The following RASL12 variants were observed in gnomAD, a reference collection of about 807,000 sequenced individuals.
RASL12 encodes ras-like protein family member 12.
A neutral mutation model predicts 22.9 loss-of-function variants in RASL12; 16 were observed. The ratio of observed to expected loss-of-function variants is 0.70; its 90% CI spans 0.47 to 1.06. The LOEUF (loss-of-function observed/expected upper bound fraction) is 1.06, where lower values mean the gene tolerates loss of function less well. RASL12 is among the 50% of genes least tolerant of loss of function. RASL12 has a pLI of 0.00. For synonymous variants in RASL12, 159 were observed against 152.2 expected (o/e 1.04, Z -0.33); for missense variants, 306 against 353.1 (o/e 0.87, Z 1.07).
In RASL12 at chr15:65,061,809, G is replaced by A. The variant is rs183364940; in HGVS notation, c.161-2391C>T. On this transcript the variant is annotated intron_variant, in intron 2 of 4. Transcript: ENST00000220062. Reference sequence around the variant, plus strand: ...TCACACCTGTAATCCCAGCACTTTGGGAGGCCAAGGTGGGCGGATCACAAG... The same window carrying A: ...TCACACCTGTAATCCCAGCACTTTGAGAGGCCAAGGTGGGCGGATCACAAG... Among the ~76,000 whole-genome samples the A allele has an allele frequency of 6.7e-3, 1,022 of 152,180 alleles. 7 individuals are homozygous for A. The highest frequency in any genetic ancestry group is 8.3e-3 in the Non-Finnish European group (566 of 68,020).
Position 65,054,546 on chromosome 15 carries a change from G to C in RASL12, c.*353C>G. On this transcript the variant is annotated 3_prime_UTR_variant, in exon 5 of 5. Transcript: ENST00000220062. ...CCATCCACCCAGACCATCCACTAAGGCCACAGCTGGCCCAACTGTAGCTGG... is the reference window on the plus strand; with the variant it reads ...CCATCCACCCAGACCATCCACTAAGCCCACAGCTGGCCCAACTGTAGCTGG... The C allele has an allele frequency of 9.3e-7, 1 of 1,072,470 alleles. No individual in the cohort carries two copies. Among genetic ancestry groups the C allele is most frequent in the Non-Finnish European group, 1.1e-6 (1 of 883,862 alleles). 66.4% of individuals were successfully genotyped at this position (1,072,470 alleles called of 1,614,324 possible).
In RASL12 at chr15:65,058,526, C is replaced by T; in HGVS notation, c.326G>A (p.Ser109Asn). The change falls in exon 4 of 5, where the codon AGC becomes AAC. Residue 109 changes from serine to asparagine, a missense_variant. Ser to Asn is a conservative substitution (Grantham distance 46). Transcript: ENST00000220062. ...GGCAAGCAGCTCCAGGTAGCTGCTG[C>T]TGCTATCAAAGCTCTGGCGGCTGTC... ...SVDSRQSFDS[S>N]SSYLELLALH... 1 of 1,611,858 alleles carries T rather than the reference C, an allele frequency of 6.2e-7. No homozygotes were observed.
intron 1 of RASL12, among the ~76,000 whole-genome samples, chr15:65,066,009 GAAAGA>G (rs56760120): frequency 0.36 from 54,044 of 149,258 alleles, 10,668 homozygotes; most frequent in South Asian, 0.55. Flanking sequence ...TGTTTGGAAA[GAAAGA>G]AAAGAAAAGA....
chr15:65,062,078 A>G (rs964939712), intron 2 of RASL12, among the ~76,000 whole-genome samples: 1 of 151,826 alleles, frequency 6.6e-6, no homozygotes, highest in Non-Finnish European at 1.5e-5. Flanking sequence ...AAAAAAAAAA[A>G]AAGAAATGGT....
chr15:65,050,873 G>T (rs1209200805), downstream of RASL12, among the ~76,000 whole-genome samples: 1 of 138,876 alleles, frequency 7.2e-6, no homozygotes, highest in Admixed American at 7.6e-5. Context: ...TTGAGGCAGG[G>T]TCACTCTGTT....
At chr15:65,065,070 T>C (rs1003481028) in intron 2 of RASL12, 147 bp downstream of exon 2, 19 of 681,996 alleles carry the variant, frequency 2.8e-5, no homozygotes, top group Non-Finnish European at 3.6e-5. Flanking sequence ...TTAAAACATT[T>C]TCCCCCATGG....
In RASL12 at chr15:65,058,617, C is replaced by G; in HGVS notation, c.235G>C (p.Asp79His). The G allele has an allele frequency of 6.5e-7, 1 of 1,533,840 alleles. No individual in the cohort carries two copies. Among genetic ancestry groups the G allele is most frequent in the Non-Finnish European group, 8.9e-7 (1 of 1,129,748 alleles). The change falls in exon 4 of 5, where the codon GAC (aspartate) becomes CAC (histidine). Residue 79 changes from aspartate to histidine, a missense_variant and splice_region_variant. Coordinates refer to ENST00000220062, the MANE Select transcript of RASL12 (RefSeq NM_016563.4). The stretch of plus-strand genomic sequence containing the variant: ...TAGCGCTCGCAGTTCCTGGGGGTGT[C>G]CTGGGGTGAAGGTGAGAAGCCCCGC... ...HLRVMDTADL[D>H]TPRNCERYLN... is the part of the protein sequence containing the mutation.
rs1358965206 is a variant in RASL12 at position 65,061,262 on chromosome 15, C to G, written c.161-1844G>C. 4.6e-5 allele frequency among the ~76,000 whole-genome samples: 7 copies of G among 152,246 alleles called. No individual in the cohort carries two copies. In the East Asian group the frequency reaches 1.2e-3, roughly 25 times the overall value. ...CTAATCAGCAGAAGGAACTTGAACT[C>G]AGGGCTTCCAGGCTGGGCTGTGTTC... On this transcript the variant is annotated intron_variant, in intron 2 of 4. Transcript: ENST00000220062.
chr15:65,051,566 T>C (rs140434847), downstream of RASL12: 45 of 1,613,626 alleles, frequency 2.8e-5, no homozygotes, highest in Non-Finnish European at 3.7e-5. Flanking sequence ...GTGGTCATTA[T>C]AAGCATGGTC....
At chr15:65,052,589 G>C (rs150272672), downstream of RASL12, among the ~76,000 whole-genome samples, 1 of 152,062 alleles carries the variant, frequency 6.6e-6, no homozygotes, top group East Asian at 1.9e-4. Flanking sequence ...TAGAGATGGG[G>C]TTTTGCCATG....
At position 65,058,636 on chromosome 15, in the gene RASL12, GC is replaced by G; in HGVS notation, c.235-20del. On this transcript the variant is annotated intron_variant, in intron 3 of 4. Coordinates refer to ENST00000220062, the MANE Select transcript of RASL12 (RefSeq NM_016563.4). Reference sequence around the variant, plus strand: ...GGGTGTCCTGGGGTGAAGGTGAGAAGCCCCGCCGGGGGGCAGAGGAGGTTGG... The same window carrying G: ...GGGTGTCCTGGGGTGAAGGTGAGAAGCCCGCCGGGGGGCAGAGGAGGTTGG... 1 of 1,475,348 alleles carries G rather than the reference GC, an allele frequency of 6.8e-7. No individual in the cohort carries two copies. Among genetic ancestry groups the G allele is most frequent in the South Asian group, 1.4e-5 (1 of 71,168 alleles). The allele number at this position is 1,475,348 out of a possible 1,614,324, so 91.4% of individuals were successfully genotyped here. A position where few individuals can be genotyped will look rare whatever the true frequency, so the allele number is the denominator to read the frequency against.
intron 2 of RASL12, among the ~76,000 whole-genome samples, chr15:65,060,150 A>G (rs911131146): frequency 6.6e-6 from 1 of 152,190 alleles, no homozygotes; most frequent in Admixed American, 6.5e-5. Flanking sequence ...AGTGCTTGAC[A>G]TTAGCTCATT....
chr15:65,061,675 C>T (rs2086806475), intron 2 of RASL12, among the ~76,000 whole-genome samples: 2 of 152,102 alleles, frequency 1.3e-5, no homozygotes, highest in African/African-American at 4.8e-5. Flanking sequence ...CCGATGTTTT[C>T]CTCTCATTTA....
At chr15:65,073,719 T>A (rs1337526552) in intron 1 of RASL12, among the ~76,000 whole-genome samples, 1 of 152,196 alleles carries the variant, frequency 6.6e-6, no homozygotes, top group Non-Finnish European at 1.5e-5. Flanking sequence ...GGTGCTTCAG[T>A]CTCTTCATAT....
intron 1 of RASL12, among the ~76,000 whole-genome samples, chr15:65,066,758 T>C (rs1411433969): frequency 6.6e-6 from 1 of 152,184 alleles, no homozygotes; most frequent in Non-Finnish European, 1.5e-5. Flanking sequence ...GAGTCCCCTC[T>C]CTGGGGGTGG....
chr15:65,053,450 G>C lies in RASL12; in HGVS notation c.*1449C>G. 8.4e-7 allele frequency: 1 copy of C among 1,193,540 alleles called. No individual in the cohort carries two copies. Among genetic ancestry groups the C allele is most frequent in the Non-Finnish European group, 1.0e-6 (1 of 960,838 alleles). The allele number at this position is 1,193,540 out of a possible 1,614,324, so 73.9% of individuals were successfully genotyped here. On this transcript the variant is annotated 3_prime_UTR_variant, in exon 5 of 5. Transcript: ENST00000220062. ...ACACACATACACACACAAGTGGCCT[G>C]GAGCAAAAGTGCAAAATCCGTAGCT...
At chr15:65,066,578 G>GT (rs2086881813) in intron 1 of RASL12, among the ~76,000 whole-genome samples, 1 of 151,960 alleles carries the variant, frequency 6.6e-6, no homozygotes, top group South Asian at 2.1e-4. Context: ...AACGGTGTCA[G>GT]TTTGCAAACT....
upstream of RASL12, among the ~76,000 whole-genome samples, chr15:65,070,566 G>A (rs1447580896): frequency 1.3e-5 from 2 of 152,200 alleles, no homozygotes; most frequent in African/African-American, 4.8e-5. Context: ...TCAAAATCTA[G>A]AGGATGTGGC....
chr15:65,067,722 G>A lies in RASL12; in HGVS notation c.103+11C>T, dbSNP rs1013702161. On this transcript the variant is annotated intron_variant, in intron 1 of 4. Transcript: ENST00000220062. ...CGCACTTGGCGGCTCAGGCTCCCCG[G>A]CGCCACTCACCAGACTTGCCAGCCC... The A allele has an allele frequency of 1.3e-6, 2 of 1,547,132 alleles. No homozygotes were observed. The highest frequency in any genetic ancestry group is 1.7e-6 in the Non-Finnish European group (2 of 1,149,116).
Sources: gnomAD v4.1 joint callset for allele counts (sites outside exome capture counted in the v4.1 genomes callset) on GRCh38, gnomAD v4.1.1 for gene constraint, MANE v1.5 for transcripts, NCBI Gene and HGNC (gene_info 2026-07-23, HGNC 2026-07-21) for gene names.